The following GRIA1 variants were observed in gnomAD, a reference collection of about 807,000 sequenced individuals.
The protein encoded by GRIA1 is glutamate receptor 1.
A neutral mutation model predicts 99.2 loss-of-function variants in GRIA1; 31 were observed. The ratio of observed to expected loss-of-function variants is 0.31; its 90% CI spans 0.23 to 0.42. The LOEUF is 0.42. GRIA1 is among the 10% of genes least tolerant of loss of function. The pLI is 1.00. For missense variants in GRIA1, 782 were observed against 1,157.5 expected, an observed-to-expected ratio of 0.68 and a Z score of 4.71; for synonymous variants, 438 against 432.4, an observed-to-expected ratio of 1.01 and a Z score of -0.16.
At chr5:153,683,884 A>G (rs1356766003) in intron 7 of GRIA1, among the ~76,000 whole-genome samples, 1 of 152,194 alleles carries the variant, frequency 6.6e-6, no homozygotes, top group Non-Finnish European at 1.5e-5. Context: ...CAAGGAACCT[A>G]TGGTCATACA....
intron 11 of GRIA1, among the ~76,000 whole-genome samples, chr5:153,720,401 GC>G (rs1478122988): frequency 1.3e-5 from 2 of 152,140 alleles, no homozygotes; most frequent in Non-Finnish European, 2.9e-5. Flanking sequence ...TTCTTATTTT[GC>G]CACAGGAAAC....
At chr5:153,704,452 G>A (rs912976818) in intron 10 of GRIA1, among the ~76,000 whole-genome samples, 7 of 152,350 alleles carry the variant, frequency 4.6e-5, no homozygotes, top group African/African-American at 1.7e-4. Context: ...ATTGGAGAGA[G>A]GTAGGAAAGA....
intron 2 of GRIA1, among the ~76,000 whole-genome samples, chr5:153,559,512 G>A (rs1760937014): frequency 6.6e-6 from 1 of 152,162 alleles, no homozygotes; most frequent in Non-Finnish European, 1.5e-5. Context: ...TAGAGATCTT[G>A]TGATCTCTCT....
In GRIA1 at chr5:153,656,383, T is replaced by TATATATATATATA. The variant is rs1754951606; in HGVS notation, c.699+511_699+512insATATATATATATA. Among the ~76,000 whole-genome samples, 5 of 92,678 alleles carry TATATATATATATA rather than the reference T, an allele frequency of 5.4e-5. No individual in the cohort carries two copies. The South Asian group carries it at 1.0e-3, about 19-fold the overall frequency. The allele number at this position is 92,678 out of a possible 152,430, so 60.8% of individuals were successfully genotyped here. On this transcript the variant is annotated intron_variant, in intron 5 of 15. Coordinates refer to ENST00000285900, the MANE Select transcript of GRIA1 (RefSeq NM_000827.4). Reference sequence around the variant, plus strand: ...TTCTATATGGCATAGATAAGTTTGTTTATATATATATATATATATATATAT... The same window carrying TATATATATATATA: ...TTCTATATGGCATAGATAAGTTTGTTATATATATATATATATATATATATATATATATATATAT...
At chr5:153,788,662 T>C (rs1298426608) in intron 13 of GRIA1, among the ~76,000 whole-genome samples, 3 of 152,196 alleles carry the variant, frequency 2.0e-5, no homozygotes, top group Non-Finnish European at 4.4e-5. Context: ...CTTCACATAT[T>C]CTCTTATTGC....
intron 4 of GRIA1, 48 bp downstream of exon 4, chr5:153,650,562 G>A (rs1195274662): frequency 2.5e-5 from 39 of 1,563,114 alleles, no homozygotes; most frequent in Non-Finnish European, 3.4e-5. Context: ...GGTGATTCAG[G>A]AATAGCCAGA....
At chr5:153,804,408 C>T (rs1394674842) in intron 15 of GRIA1, among the ~76,000 whole-genome samples, 2 of 152,182 alleles carry the variant, frequency 1.3e-5, no homozygotes, top group East Asian at 3.9e-4. Flanking sequence ...GACTCTCCTA[C>T]CTTACCCTCC....
intron 5 of GRIA1, among the ~76,000 whole-genome samples, chr5:153,672,907 G>A (rs774376118): frequency 4.6e-5 from 7 of 152,186 alleles, no homozygotes; most frequent in East Asian, 3.8e-4. Context: ...TCCAAGATAC[G>A]ATCAATGGCA....
chr5:153,627,968 G>A (rs1767796971), intron 2 of GRIA1, among the ~76,000 whole-genome samples: 2 of 152,168 alleles, frequency 1.3e-5, no homozygotes, highest in African/African-American at 2.4e-5. Context: ...GGACTCACTG[G>A]ATAAGATGGG....
intron 14 of GRIA1, among the ~76,000 whole-genome samples, chr5:153,800,096 TGCTTTG>T (rs1765910327): frequency 6.6e-6 from 1 of 152,188 alleles, no homozygotes; most frequent in Non-Finnish European, 1.5e-5. Context: ...GGGCAAGGTG[TGCTTTG>T]GCTATTGAAA....
At chr5:153,543,522 G>A (rs566494869) in intron 2 of GRIA1, among the ~76,000 whole-genome samples, 2 of 152,136 alleles carry the variant, frequency 1.3e-5, no homozygotes, top group Non-Finnish European at 2.9e-5. Context: ...ATTTGATACA[G>A]GCCATATGAT....
chr5:153,586,277 G>T (rs1209120755), intron 2 of GRIA1, among the ~76,000 whole-genome samples: 2 of 152,190 alleles, frequency 1.3e-5, no homozygotes, highest in African/African-American at 4.8e-5. Context: ...ACAGGGCCAA[G>T]AATATGATAG....
chr5:153,645,010 GA>G (rs1030600025), intron 2 of GRIA1, among the ~76,000 whole-genome samples: 6 of 152,136 alleles, frequency 3.9e-5, no homozygotes, highest in Admixed American at 3.9e-4. Context: ...GGAAAACTTT[GA>G]GTGGATTTGT....
At chr5:153,609,977 A>G (rs1765837687) in intron 2 of GRIA1, among the ~76,000 whole-genome samples, 1 of 152,216 alleles carries the variant, frequency 6.6e-6, no homozygotes, top group African/African-American at 2.4e-5. Context: ...TTATTTTGCT[A>G]GAGAAGAACT....
At chr5:153,705,007 T>C (rs184251108) in intron 10 of GRIA1, among the ~76,000 whole-genome samples, 1 of 152,332 alleles carries the variant, frequency 6.6e-6, no homozygotes, top group Non-Finnish European at 1.5e-5. Context: ...CTCAGGACTA[T>C]CTTGGTTGCA....
Position 153,647,165 on chromosome 5 carries a change from G to T in GRIA1, c.458G>T (p.Arg153Leu). ...QKFVYIYDAD[R>L]GLSVLQKVLD... ...TTTGTCTACATTTATGATGCCGACC[G>T]GGGTAAGCCAAGGGTTAGGGGAGGG... Residue 153 changes from arginine (R) to leucine (L), a missense_variant and splice_region_variant, in exon 3 of 16, where the codon CGG becomes CTG. Transcript: ENST00000285900. 6.2e-7 allele frequency: 1 copy of T among 1,613,674 alleles called. No homozygotes were observed.
chr5:153,597,469 A>G (rs1297598941), intron 2 of GRIA1, among the ~76,000 whole-genome samples: 2 of 152,176 alleles, frequency 1.3e-5, no homozygotes, highest in African/African-American at 4.8e-5. Context: ...TTCATTTCAC[A>G]TCTATGTGGC....
chr5:153,537,820 T>G (rs551794559), intron 2 of GRIA1, among the ~76,000 whole-genome samples: 32 of 152,300 alleles, frequency 2.1e-4, no homozygotes, highest in African/African-American at 7.7e-4. Flanking sequence ...TAAAAATCAA[T>G]CAAAACATGA....
rs559977287 is a variant in GRIA1, at chr5:153,645,392, C to T, written c.221-1536C>T. 2.0e-5 allele frequency among the ~76,000 whole-genome samples: 3 copies of T among 152,228 alleles called. No individual in the cohort carries two copies. The East Asian group carries it at 5.8e-4, about 30-fold the overall frequency. The stretch of plus-strand genomic sequence containing the variant: ...TAGGGACTAACAGAAAATGGAGACT[C>T]ACAGTAGACAATTAGGTACCACTGG... On this transcript the variant is annotated intron_variant, in intron 2 of 15. Transcript: ENST00000285900.
Sources: gnomAD v4.1 joint callset for allele counts (sites outside exome capture counted in the v4.1 genomes callset) on GRCh38, gnomAD v4.1.1 for gene constraint, MANE v1.5 for transcripts, NCBI Gene and HGNC (gene_info 2026-07-23, HGNC 2026-07-21) for gene names.